The following MGAT4C variants were observed in gnomAD, a reference collection of about 807,000 sequenced individuals.
MGAT4C encodes alpha-1,3-mannosyl-glycoprotein 4-beta-N-acetylglucosaminyltransferase C.
In MGAT4C, 19 loss-of-function variants were observed where a neutral mutation model predicts 40.1. That is an observed-to-expected ratio of 0.47 (90% CI 0.33 to 0.70). The LOEUF is 0.70. Among genes scored for constraint, MGAT4C ranks in the 30% least tolerant of loss-of-function variants. The pLI, the probability that MGAT4C is intolerant of heterozygous loss-of-function variation, is 0.02. For synonymous variants in MGAT4C, 181 were observed against 187.1 expected (o/e 0.97, Z 0.27); for missense variants, 491 against 563.2 (o/e 0.87, Z 1.30).
intron 3 of MGAT4C, among the ~76,000 whole-genome samples, chr12:86,358,446 C>T (rs546636165): frequency 6.6e-6 from 1 of 152,248 alleles, no homozygotes; most frequent in East Asian, 1.9e-4. Context: ...TGGCTAACAT[C>T]ATAATGACAG....
At chr12:86,527,404 C>A (rs1284753758) in intron 2 of MGAT4C, among the ~76,000 whole-genome samples, 2 of 151,988 alleles carry the variant, frequency 1.3e-5, no homozygotes, top group Non-Finnish European at 2.9e-5. Context: ...GTATCTTTGT[C>A]ATATATTTGA....
At chr12:86,651,247 A>T (rs1223651667) in intron 2 of MGAT4C, among the ~76,000 whole-genome samples, 2 of 151,936 alleles carry the variant, frequency 1.3e-5, no homozygotes, top group Non-Finnish European at 2.9e-5. Flanking sequence ...TATATTAACC[A>T]TATGAAATAT....
chr12:86,208,118 G>A (rs1950330037), intron 1 of MGAT4C, among the ~76,000 whole-genome samples: 1 of 152,118 alleles, frequency 6.6e-6, no homozygotes, highest in South Asian at 2.1e-4. Context: ...ATAGAATCCA[G>A]ATGGCCTAAT....
intron 2 of MGAT4C, among the ~76,000 whole-genome samples, chr12:86,576,693 T>C (rs930778245): frequency 9.2e-5 from 14 of 152,108 alleles, no homozygotes; most frequent in African/African-American, 2.9e-4. Context: ...TCTGTTTTTA[T>C]GCCAGTACCA....
rs186419716 is a variant in MGAT4C, at chr12:86,038,782, A to G, written c.-7+10892T>C. Among the ~76,000 whole-genome samples the G allele has an allele frequency of 1.0e-4, 15 of 150,010 alleles. No homozygotes were observed. The East Asian group carries it at 2.7e-3, about 27-fold the overall frequency. ...AGTTTGATCCTGCCTTTATAATGCT[A>G]GCTGGGTATTTTGCCCGTTAGTTGA... is the stretch of plus-strand genomic sequence containing the variant. On this transcript the variant is annotated intron_variant, in intron 2 of 4. Coordinates refer to ENST00000611864, the MANE Select transcript of MGAT4C (RefSeq NM_001351288.2).
rs186999130 is a variant in MGAT4C, at chr12:86,176,294, T to G, written c.-57+79945A>C. 8.9e-4 allele frequency among the ~76,000 whole-genome samples: 135 copies of G among 152,320 alleles called. 3 individuals are homozygous for G. The Middle Eastern group carries it at 0.027, about 31-fold the overall frequency. The stretch of plus-strand genomic sequence containing the variant: ...CTTTCTGGAACATCCTTTATTTCAC[T>G]ACTCCATTGCTTTGCAACTTTGTTT... On this transcript the variant is annotated intron_variant, in intron 1 of 4. Coordinates refer to ENST00000611864, the MANE Select transcript of MGAT4C (RefSeq NM_001351288.2).
intron 2 of MGAT4C, among the ~76,000 whole-genome samples, chr12:86,684,810 G>GAA (rs1950043520): frequency 5.4e-5 from 8 of 149,348 alleles, no homozygotes; most frequent in African/African-American, 9.9e-5. Flanking sequence ...TTTTTCATAT[G>GAA]TTTGTTGGCC....
At chr12:86,582,437 G>T (rs1441186981) in intron 2 of MGAT4C, among the ~76,000 whole-genome samples, 1 of 151,214 alleles carries the variant, frequency 6.6e-6, no homozygotes, top group Admixed American at 6.6e-5. Flanking sequence ...GAGCCAATTT[G>T]TTTGCTTGAA....
In MGAT4C at chr12:86,389,869, G is replaced by T. The variant is rs532082753; in HGVS notation, c.-120+45288C>A. On this transcript the variant is annotated intron_variant, in intron 3 of 7. Coordinates refer to the MGAT4C transcript ENST00000548651. ...GTTAAGGATTTCTTTTCTCTCTCGGGGATACAGCATATTTCACCGTAACAA... is the reference window on the plus strand; with the variant it reads ...GTTAAGGATTTCTTTTCTCTCTCGGTGATACAGCATATTTCACCGTAACAA... Among the ~76,000 whole-genome samples the T allele has an allele frequency of 8.1e-4, 123 of 151,520 alleles. 1 individual carries two copies. Among genetic ancestry groups the T allele is most frequent in the Non-Finnish European group, 1.3e-3 (91 of 67,886 alleles).
At chr12:86,176,987 G>C (rs1426164536) in intron 1 of MGAT4C, among the ~76,000 whole-genome samples, 1 of 151,550 alleles carries the variant, frequency 6.6e-6, no homozygotes, top group Non-Finnish European at 1.5e-5. Flanking sequence ...AGAGATAAAA[G>C]TAAACAGTGA....
At chr12:86,192,374 A>G (rs1198613667) in intron 1 of MGAT4C, among the ~76,000 whole-genome samples, 1 of 152,204 alleles carries the variant, frequency 6.6e-6, no homozygotes, top group Non-Finnish European at 1.5e-5. Flanking sequence ...AGCTGAGGAC[A>G]CTGAATTCCA....
intron 1 of MGAT4C, among the ~76,000 whole-genome samples, chr12:86,757,741 A>G (rs1951330638): frequency 6.6e-6 from 1 of 152,186 alleles, no homozygotes; most frequent in Admixed American, 6.5e-5. Context: ...GCTCCCAACA[A>G]TACAGTAGAA....
At chr12:86,007,443 C>T (rs1356769245) in intron 2 of MGAT4C, among the ~76,000 whole-genome samples, 3 of 151,902 alleles carry the variant, frequency 2.0e-5, no homozygotes, top group African/African-American at 7.2e-5. Flanking sequence ...ATAAGATCAC[C>T]ATGATCTGGT....
At chr12:86,743,265 C>G (rs144178907) in intron 1 of MGAT4C, among the ~76,000 whole-genome samples, 13 of 151,440 alleles carry the variant, frequency 8.6e-5, no homozygotes, top group African/African-American at 3.1e-4. Flanking sequence ...AATGGCCATA[C>G]TGTGTAACTT....
intron 2 of MGAT4C, among the ~76,000 whole-genome samples, chr12:86,575,747 T>C (rs1014968100): frequency 2.0e-5 from 3 of 151,912 alleles, no homozygotes; most frequent in African/African-American, 7.2e-5. Flanking sequence ...CTGGATAATA[T>C]AGTAGCTCAA....
intron 3 of MGAT4C, among the ~76,000 whole-genome samples, chr12:86,403,653 A>G (rs1000403983): frequency 2.0e-5 from 3 of 152,218 alleles, no homozygotes; most frequent in Admixed American, 6.5e-5. Context: ...GAGAAGTAAT[A>G]GCAACACATG....
chr12:86,182,965 T>C (rs1888291499), intron 1 of MGAT4C, among the ~76,000 whole-genome samples: 2 of 152,248 alleles, frequency 1.3e-5, no homozygotes, highest in African/African-American at 4.8e-5. Context: ...GCTTTTCAAA[T>C]GGGGTAGTTT....
chr12:86,628,927 C>T (rs545217120), intron 2 of MGAT4C, among the ~76,000 whole-genome samples: 1 of 151,878 alleles, frequency 6.6e-6, no homozygotes, highest in East Asian at 1.9e-4. Context: ...GACTAAATTC[C>T]CCAATTAAAA....
intron 4 of MGAT4C, among the ~76,000 whole-genome samples, chr12:86,295,562 T>C (rs989004324): frequency 3.9e-5 from 6 of 152,118 alleles, no homozygotes; most frequent in African/African-American, 1.4e-4. Flanking sequence ...ACAACAATGC[T>C]TCCACAGTGT....
Sources: allele counts gnomAD v4.1 joint callset (sites outside exome capture counted in the v4.1 genomes callset), GRCh38; gene constraint gnomAD v4.1.1; transcripts MANE v1.5; gene names NCBI Gene and HGNC (gene_info 2026-07-23, HGNC 2026-07-21).